TDRD5: variants seen among roughly 807,000 people sequenced by gnomAD.
TDRD5 encodes tudor domain containing 5.
In TDRD5, 41 loss-of-function variants were observed where a neutral mutation model predicts 120.6. The ratio of observed to expected loss-of-function variants is 0.34; its 90% confidence interval spans 0.26 to 0.44. The LOEUF (loss-of-function observed/expected upper bound fraction) is 0.44, where lower values mean the gene tolerates loss of function less well. Ranked by LOEUF, TDRD5 falls within the 20% of genes least tolerant of loss-of-function variation. TDRD5 has a pLI of 1.00. For missense variants in TDRD5, 1,006 were observed against 1,221.2 expected (o/e 0.82, Z 2.63); for synonymous variants, 430 against 433.7 (o/e 0.99, Z 0.11).
intron 4 of TDRD5, among the ~76,000 whole-genome samples, chr1:179,607,451 C>A (rs1676037759): frequency 6.6e-6 from 1 of 152,094 alleles, no homozygotes; most frequent in African/African-American, 2.4e-5. Context: ...AGGACTCCAG[C>A]AAGATGTTGC....
intron 4 of TDRD5, among the ~76,000 whole-genome samples, chr1:179,609,991 C>T (rs140418954): frequency 2.0e-5 from 3 of 152,254 alleles, no homozygotes; most frequent in African/African-American, 7.2e-5. Context: ...GTTACTTCTT[C>T]CTACACCATA....
intron 16 of TDRD5, among the ~76,000 whole-genome samples, chr1:179,666,251 A>G (rs1269845167): frequency 1.3e-5 from 2 of 152,182 alleles, no homozygotes; most frequent in African/African-American, 2.4e-5. Flanking sequence ...CATGATACAC[A>G]TACTGTTCAG....
chr1:179,672,630 T>C (rs2147786294), intron 17 of TDRD5, among the ~76,000 whole-genome samples: 1 of 152,316 alleles, frequency 6.6e-6, no homozygotes, highest in Middle Eastern at 3.4e-3. Context: ...TTTGTTTTTG[T>C]TGAATTTGCT....
At chr1:179,659,948 G>T (rs1439310240) in intron 14 of TDRD5, among the ~76,000 whole-genome samples, 1 of 151,994 alleles carries the variant, frequency 6.6e-6, no homozygotes, top group East Asian at 1.9e-4. Context: ...TGCCCACCTT[G>T]GCCTCCCAAA....
intron 16 of TDRD5, among the ~76,000 whole-genome samples, chr1:179,667,627 G>T (rs1679625348): frequency 6.6e-6 from 1 of 152,128 alleles, no homozygotes. Flanking sequence ...CTCATTCTCA[G>T]CCTCATTTTA....
At chr1:179,656,091 C>T (rs1274387490) in intron 14 of TDRD5, among the ~76,000 whole-genome samples, 1 of 152,154 alleles carries the variant, frequency 6.6e-6, no homozygotes, top group African/African-American at 2.4e-5. Context: ...GCTCCATTTT[C>T]TTGTCAGCAC....
At chr1:179,597,985 C>A (rs1675496090) in intron 4 of TDRD5, among the ~76,000 whole-genome samples, 1 of 152,132 alleles carries the variant, frequency 6.6e-6, no homozygotes, top group South Asian at 2.1e-4. Flanking sequence ...GGGATATGAT[C>A]TGAGAAGTGT....
At chr1:179,660,654 C>G (rs901220111) in intron 14 of TDRD5, among the ~76,000 whole-genome samples, 1 of 152,034 alleles carries the variant, frequency 6.6e-6, no homozygotes, top group African/African-American at 2.4e-5. Flanking sequence ...TTCCTTTATG[C>G]CATCCTTGTC....
At chr1:179,661,526 A>G (rs1332993094) in intron 14 of TDRD5, among the ~76,000 whole-genome samples, 1 of 152,076 alleles carries the variant, frequency 6.6e-6, no homozygotes, top group Non-Finnish European at 1.5e-5. Context: ...CATTATAAAA[A>G]CTTTCATTTG....
chr1:179,668,131 A>G (rs1420099204), intron 16 of TDRD5, among the ~76,000 whole-genome samples: 3 of 152,204 alleles, frequency 2.0e-5, no homozygotes, highest in East Asian at 1.9e-4. Context: ...CAATGACTAT[A>G]TGGTAGGAAA....
intron 13 of TDRD5, among the ~76,000 whole-genome samples, chr1:179,653,667 TAAG>T (rs1678837314): frequency 1.3e-5 from 2 of 152,148 alleles, no homozygotes; most frequent in Admixed American, 6.5e-5. Flanking sequence ...GGAAATGAAA[TAAG>T]AACCATCTTT....
intron 6 of TDRD5, among the ~76,000 whole-genome samples, chr1:179,624,497 C>T (rs925668647): frequency 3.9e-5 from 6 of 152,042 alleles, no homozygotes; most frequent in Non-Finnish European, 7.4e-5. Flanking sequence ...TTGTAGAAAA[C>T]ATGATTGTTC....
chr1:179,632,843 A>G (rs1034452393), intron 7 of TDRD5, among the ~76,000 whole-genome samples: 1 of 152,240 alleles, frequency 6.6e-6, no homozygotes, highest in African/African-American at 2.4e-5. Context: ...TACATTTAAT[A>G]TACCTAGCCT....
chr1:179,640,524 G>C lies in TDRD5; in HGVS notation c.1800+79G>C, dbSNP rs1677988972. ...GCCAATAACAGTTTCACATGCTCAG[G>C]ATATGAAGATAAAACGTAGAACCAG... On this transcript the variant is annotated intron_variant, in intron 11 of 17. Transcript: ENST00000444136. 2.1e-6 allele frequency: 3 copies of C among 1,400,834 alleles called. No individual in the cohort carries two copies. The East Asian group carries it at 6.9e-5, about 32-fold the overall frequency. The allele number at this position is 1,400,834 out of a possible 1,614,324, so 86.8% of individuals were successfully genotyped here. A position where few individuals can be genotyped will look rare whatever the true frequency, so the allele number is the denominator to read the frequency against.
intron 17 of TDRD5, among the ~76,000 whole-genome samples, chr1:179,677,096 G>A (rs1680179915): frequency 6.6e-6 from 1 of 151,922 alleles, no homozygotes; most frequent in Non-Finnish European, 1.5e-5. Flanking sequence ...CAAAAGCCTT[G>A]TCTTTGAGCT....
At chr1:179,657,840 T>G (rs1332183689) in intron 14 of TDRD5, among the ~76,000 whole-genome samples, 1 of 152,174 alleles carries the variant, frequency 6.6e-6, no homozygotes, top group African/African-American at 2.4e-5. Flanking sequence ...CTCACATATT[T>G]GTTATTTTTT....
At chr1:179,628,715 AAG>A (rs1382618662) in intron 6 of TDRD5, among the ~76,000 whole-genome samples, 3 of 152,248 alleles carry the variant, frequency 2.0e-5, no homozygotes, top group Non-Finnish European at 4.4e-5. Flanking sequence ...AACCTTTTAA[AAG>A]AAACTGAGTC....
chr1:179,654,108 T>G, intron 13 of TDRD5, 93 bp from the exon 14 acceptor site: 3 of 1,048,360 alleles, frequency 2.9e-6, no homozygotes, highest in Non-Finnish European at 4.0e-6. Context: ...GTGTGAACCA[T>G]AGCAAAAACT....
intron 5 of TDRD5, among the ~76,000 whole-genome samples, chr1:179,620,429 C>T (rs1216010643): frequency 6.6e-6 from 1 of 151,830 alleles, no homozygotes; most frequent in African/African-American, 2.4e-5. Context: ...AAATAAGAAA[C>T]AAAATAGAAG....
Sources: gnomAD v4.1 joint callset for allele counts (sites outside exome capture counted in the v4.1 genomes callset) on GRCh38, gnomAD v4.1.1 for gene constraint, MANE v1.5 for transcripts, NCBI Gene and HGNC (gene_info 2026-07-23, HGNC 2026-07-21) for gene names.